The following CPNE4 variants were observed in gnomAD, a reference collection of about 807,000 sequenced individuals.
CPNE4 encodes copine-4.
In CPNE4, 25 loss-of-function variants were observed where a neutral mutation model predicts 67.9. The observed-to-expected ratio is 0.37, with a 90% confidence interval of 0.27 to 0.51. The LOEUF is 0.51. Among genes scored for constraint, CPNE4 ranks in the 20% least tolerant of loss-of-function variants. The pLI is 0.93. For synonymous variants in CPNE4, 242 were observed against 244.9 expected, an observed-to-expected ratio of 0.99 and a Z score of 0.11; for missense variants, 464 against 690.8, an observed-to-expected ratio of 0.67 and a Z score of 3.68.
At chr3:131,882,818 A>G (rs2087731058) in intron 2 of CPNE4, among the ~76,000 whole-genome samples, 1 of 148,822 alleles carries the variant, frequency 6.7e-6, no homozygotes, top group African/African-American at 2.5e-5. Flanking sequence ...CCGAGTTCAC[A>G]CCATTCTCCT....
intron 14 of CPNE4, chr3:131,543,017 T>A (rs1433294807): frequency 3.9e-6 from 2 of 509,220 alleles, no homozygotes; most frequent in Admixed American, 7.0e-5. Flanking sequence ...AATAACTACC[T>A]CACTGACAGT....
Position 131,973,251 on chromosome 3 carries a change from T to G in CPNE4, c.-2+61316A>C, listed in dbSNP as rs528600270. On this transcript the variant is annotated intron_variant, in intron 1 of 15. Transcript: ENST00000429747. Reference sequence around the variant, plus strand: ...TTTTCAGCTGTGTTCAAAAAGATTTTTAGGTGATCTTGAAAGAATTCCTGT... The same window carrying G: ...TTTTCAGCTGTGTTCAAAAAGATTTGTAGGTGATCTTGAAAGAATTCCTGT... Among the ~76,000 whole-genome samples, 3 of 152,306 alleles carry G rather than the reference T, an allele frequency of 2.0e-5. No homozygotes were observed. In the South Asian group the frequency reaches 6.2e-4, roughly 32 times the overall value.
chr3:131,973,882 A>T (rs1239326537), intron 1 of CPNE4, among the ~76,000 whole-genome samples: 1 of 152,220 alleles, frequency 6.6e-6, no homozygotes, highest in Non-Finnish European at 1.5e-5. Flanking sequence ...GCCAAGCGTA[A>T]CGTTATTTTT....
At chr3:131,627,205 A>G (rs1258266446) in intron 7 of CPNE4, among the ~76,000 whole-genome samples, 1 of 151,460 alleles carries the variant, frequency 6.6e-6, no homozygotes, top group Non-Finnish European at 1.5e-5. Flanking sequence ...AAAAAAAAAA[A>G]AAAAAGAAAA....
At chr3:131,695,278 A>C (rs909528334) in intron 5 of CPNE4, among the ~76,000 whole-genome samples, 2 of 152,208 alleles carry the variant, frequency 1.3e-5, no homozygotes, top group African/African-American at 4.8e-5. Flanking sequence ...CTGGACAATC[A>C]GTACAGCCAA....
chr3:131,772,853 T>C (rs1490547145), intron 2 of CPNE4, among the ~76,000 whole-genome samples: 2 of 152,158 alleles, frequency 1.3e-5, no homozygotes, highest in Non-Finnish European at 2.9e-5. Flanking sequence ...CCCTGTTTAC[T>C]GAAGTGCCCC....
chr3:131,630,797 A>C (rs767160656), intron 7 of CPNE4, among the ~76,000 whole-genome samples: 2 of 152,240 alleles, frequency 1.3e-5, no homozygotes, highest in Non-Finnish European at 2.9e-5. Context: ...CATAAGAAGA[A>C]TATGAATAAA....
chr3:131,770,446 A>C (rs1011557954), intron 2 of CPNE4, among the ~76,000 whole-genome samples: 1 of 152,230 alleles, frequency 6.6e-6, no homozygotes, highest in Non-Finnish European at 1.5e-5. Context: ...GTAGAACTTC[A>C]TCACTCCACA....
At chr3:131,788,172 A>T (rs1196660099) in intron 2 of CPNE4, among the ~76,000 whole-genome samples, 1 of 152,092 alleles carries the variant, frequency 6.6e-6, no homozygotes, top group Non-Finnish European at 1.5e-5. Context: ...ACCTCCATAT[A>T]CAAGAAAAAT....
At chr3:131,724,686 C>T (rs1005313827) in intron 2 of CPNE4, among the ~76,000 whole-genome samples, 2 of 152,156 alleles carry the variant, frequency 1.3e-5, no homozygotes, top group Non-Finnish European at 2.9e-5. Context: ...CATAGTGCCT[C>T]TCTCTTGTCC....
intron 7 of CPNE4, among the ~76,000 whole-genome samples, chr3:131,660,239 C>T (rs762617655): frequency 1.3e-5 from 2 of 152,174 alleles, no homozygotes; most frequent in Non-Finnish European, 2.9e-5. Flanking sequence ...ATCTAATTTT[C>T]ACTAATGAAA....
At chr3:131,891,160 A>G (rs2088097810) in intron 2 of CPNE4, among the ~76,000 whole-genome samples, 1 of 152,050 alleles carries the variant, frequency 6.6e-6, no homozygotes, top group Non-Finnish European at 1.5e-5. Flanking sequence ...ATGGATATAT[A>G]TATATTTTTT....
chr3:131,792,467 C>A (rs2083753044), intron 2 of CPNE4, among the ~76,000 whole-genome samples: 1 of 150,794 alleles, frequency 6.6e-6, no homozygotes, highest in African/African-American at 2.4e-5. Context: ...CATGAAATAC[C>A]ATCTATATAC....
intron 1 of CPNE4, among the ~76,000 whole-genome samples, chr3:131,939,609 T>C (rs1390587091): frequency 6.6e-6 from 1 of 152,172 alleles, no homozygotes; most frequent in Non-Finnish European, 1.5e-5. Flanking sequence ...AACCAAAGTA[T>C]TACACTTAAC....
intron 7 of CPNE4, among the ~76,000 whole-genome samples, chr3:131,667,399 G>A (rs1376653769): frequency 3.3e-5 from 5 of 151,932 alleles, no homozygotes; most frequent in East Asian, 1.9e-4. Context: ...AGAACATTTG[G>A]CAATGTCTGA....
intron 7 of CPNE4, among the ~76,000 whole-genome samples, chr3:131,659,786 G>A (rs775738914): frequency 1.1e-4 from 16 of 152,132 alleles, no homozygotes; most frequent in East Asian, 5.8e-4. Context: ...AGAAAGAATC[G>A]CTTAGGAGCT....
At chr3:131,956,997 T>G (rs1279731086) in intron 1 of CPNE4, among the ~76,000 whole-genome samples, 5 of 152,254 alleles carry the variant, frequency 3.3e-5, no homozygotes, top group Non-Finnish European at 7.3e-5. Flanking sequence ...GCCATTGTTT[T>G]CTACATGTGT....
At chr3:132,024,687 G>A (rs982598909) in intron 1 of CPNE4, among the ~76,000 whole-genome samples, 2 of 152,114 alleles carry the variant, frequency 1.3e-5, no homozygotes, top group African/African-American at 4.8e-5. Context: ...CATTACCAAA[G>A]TCTAGTACAG....
chr3:131,913,707 C>T, intron 1 of CPNE4, among the ~76,000 whole-genome samples: 1 of 152,178 alleles, frequency 6.6e-6, no homozygotes, highest in Admixed American at 6.5e-5. Context: ...CTGCCTTATG[C>T]CTCCTTGGTC....
Sources: allele counts gnomAD v4.1 joint callset (sites outside exome capture counted in the v4.1 genomes callset), GRCh38; gene constraint gnomAD v4.1.1; transcripts MANE v1.5; gene names NCBI Gene and HGNC (gene_info 2026-07-23, HGNC 2026-07-21).